SUN1: variants seen among roughly 807,000 people sequenced by gnomAD.
SUN1 encodes the protein Sad1 and UNC84 domain containing 1.
A neutral mutation model predicts 103.2 loss-of-function variants in SUN1; 61 were observed. That is an observed-to-expected ratio of 0.59 (90% CI 0.48 to 0.73). The LOEUF (loss-of-function observed/expected upper bound fraction) is 0.73. Among genes scored for constraint, SUN1 ranks in the 30% least tolerant of loss-of-function variants. The pLI, the probability that SUN1 is intolerant of heterozygous loss-of-function variation, is 0.00. For synonymous variants in SUN1, 490 were observed against 425.7 expected (o/e 1.15, Z -1.86); for missense variants, 1,052 against 1,034.6 (o/e 1.02, Z -0.23).
chr7:866,747 C>CTGTCT (rs1837248439), intron 16 of SUN1, among the ~76,000 whole-genome samples: 1 of 118,532 alleles, frequency 8.4e-6, no homozygotes, highest in Admixed American at 8.0e-5. Context: ...CGGGCCTTCA[C>CTGTCT]CCCCACCGTC....
chr7:849,520 C>T, intron 5 of SUN1: 1 of 1,373,700 alleles, frequency 7.3e-7, no homozygotes, highest in Non-Finnish European at 9.7e-7. Context: ...TGTGTTGCAG[C>T]TCATGCCAGT....
At chr7:847,004 T>A (rs969565021) in intron 5 of SUN1, among the ~76,000 whole-genome samples, 3 of 151,904 alleles carry the variant, frequency 2.0e-5, no homozygotes, top group African/African-American at 7.3e-5. Context: ...AGCTTATCTC[T>A]AAAAAAAATT....
At chr7:823,183 A>G (rs1788045137) in intron 1 of SUN1, among the ~76,000 whole-genome samples, 2 of 152,224 alleles carry the variant, frequency 1.3e-5, no homozygotes, top group Non-Finnish European at 2.9e-5. Flanking sequence ...TCTCCAGGCA[A>G]GGATTAGAGC....
intron 13 of SUN1, among the ~76,000 whole-genome samples, chr7:859,863 G>A (rs569663703): frequency 6.5e-4 from 99 of 152,326 alleles, no homozygotes; most frequent in African/African-American, 2.2e-3. Flanking sequence ...CCTCCAGAGG[G>A]TGTGGACATG....
chr7:845,213 C>T lies in SUN1; in HGVS notation c.658+1693C>T, dbSNP rs188511084. ...CGGTCAGGGCCCAAGCTCAGCCTTG[C>T]GTTTGAGTGTATCTTTAGATGGAAA... On this transcript the variant is annotated intron_variant, in intron 5 of 18. Coordinates refer to ENST00000401592, the MANE Select transcript of SUN1 (RefSeq NM_001130965.3). 2.7e-4 allele frequency among the ~76,000 whole-genome samples: 41 copies of T among 152,260 alleles called. 1 individual carries two copies. The highest frequency in any genetic ancestry group is 7.9e-4 in the African/African-American group (33 of 41,546).
At chr7:836,771 C>T (rs1199654369) in intron 1 of SUN1, among the ~76,000 whole-genome samples, 4 of 152,194 alleles carry the variant, frequency 2.6e-5, no homozygotes, top group South Asian at 2.1e-4. Flanking sequence ...AATATCTGAG[C>T]GCCCAAGGCC....
At chr7:870,976 C>T (rs561593964) in intron 17 of SUN1, among the ~76,000 whole-genome samples, 4 of 150,802 alleles carry the variant, frequency 2.7e-5, no homozygotes, top group East Asian at 1.9e-4. Flanking sequence ...CCACAATCTC[C>T]GCCTCCCGGG....
chr7:864,047 T>C (rs532751342), intron 15 of SUN1, among the ~76,000 whole-genome samples: 93 of 152,364 alleles, frequency 6.1e-4, no homozygotes, highest in African/African-American at 2.0e-3. Flanking sequence ...ATAATATCCT[T>C]CATCATTTTC....
Position 852,602 on chromosome 7 carries a change from C to A in SUN1, c.852-7C>A. On this transcript the variant is annotated splice_polypyrimidine_tract_variant and splice_region_variant and intron_variant, in intron 7 of 18. Transcript: ENST00000401592. ...TCTAAGTCAAAGGTTTTCATTGTTACTCCCAGGTGCCTTCGAAACATCTGC... is the reference window on the plus strand; with the variant it reads ...TCTAAGTCAAAGGTTTTCATTGTTAATCCCAGGTGCCTTCGAAACATCTGC... The A allele has an allele frequency of 6.2e-7, 1 of 1,614,198 alleles. No individual in the cohort carries two copies.
intron 14 of SUN1, 97 bp from the exon 15 acceptor site, chr7:861,283 T>C: frequency 8.3e-7 from 1 of 1,207,584 alleles, no homozygotes; most frequent in Middle Eastern, 2.6e-4. Flanking sequence ...GAGAAGATGC[T>C]CTAATGTAAG....
At chr7:857,044 T>A (rs1828157622) in intron 12 of SUN1, among the ~76,000 whole-genome samples, 1 of 152,208 alleles carries the variant, frequency 6.6e-6, no homozygotes, top group Non-Finnish European at 1.5e-5. Context: ...GACCACTGAT[T>A]TGCCAAGTCC....
intron 8 of SUN1, 37 bp from the exon 9 acceptor site, chr7:852,773 G>T: frequency 6.2e-7 from 1 of 1,611,064 alleles, no homozygotes; most frequent in Non-Finnish European, 8.5e-7. Flanking sequence ...GAGAAGCGTG[G>T]TGTACCTGTG....
At chr7:859,487 G>A (rs1029438632) in intron 13 of SUN1, among the ~76,000 whole-genome samples, 1 of 152,192 alleles carries the variant, frequency 6.6e-6, no homozygotes, top group African/African-American at 2.4e-5. Context: ...GCGCTGGGAA[G>A]TGTGTGTGGG....
chr7:859,664 G>T (rs141278594), intron 13 of SUN1, among the ~76,000 whole-genome samples: 3 of 152,210 alleles, frequency 2.0e-5, no homozygotes, highest in Non-Finnish European at 4.4e-5. Flanking sequence ...GAAGAGAAAG[G>T]TATACACATA....
chr7:847,851 C>T (rs1346036765), intron 5 of SUN1, among the ~76,000 whole-genome samples: 1 of 142,974 alleles, frequency 7.0e-6, no homozygotes, highest in Non-Finnish European at 1.5e-5. Context: ...CGTGCGCCAG[C>T]GGAGTTGGCG....
At chr7:831,125 A>C (rs1187737827), upstream of SUN1, 2 of 562,712 alleles carry the variant, frequency 3.6e-6, no homozygotes, top group African/African-American at 4.1e-5. Context: ...ACGTGGATTA[A>C]GTGATCACAG....
At position 838,877 on chromosome 7, in the gene SUN1, C is replaced by T. The variant is rs754833191; in HGVS notation, c.157C>T (p.Arg53Cys). ...DPVFDSPRMS[R>C]RSLRLATTAC... The stretch of plus-strand genomic sequence containing the variant: ...TGTATTTGATTCTCCACGGATGTCC[C>T]GCCGTAGTTTGCGCCTGGCCACGAC... The change falls in exon 2 of 19, where the codon CGC becomes TGC. Residue 53 changes from arginine (R) to cysteine (C), a missense_variant. Arg to Cys is a radical substitution (Grantham distance 180). This residue lies in a region of SUN1 where 846 missense variants were observed against 774.5 expected (regional missense o/e 1.09). Transcript: ENST00000401592. 3.7e-6 allele frequency: 6 copies of T among 1,605,094 alleles called. No individual in the cohort carries two copies. The highest frequency in any genetic ancestry group is 1.1e-5 in the South Asian group (1 of 88,720).
chr7:847,961 G>T (rs1222589297), intron 5 of SUN1, among the ~76,000 whole-genome samples: 2 of 127,968 alleles, frequency 1.6e-5, no homozygotes, highest in Admixed American at 1.5e-4. Flanking sequence ...ACCCCGCAGC[G>T]CCCTCTCTGG....
At chr7:855,116 T>G in intron 11 of SUN1, 110 bp downstream of exon 11, 3 of 851,842 alleles carry the variant, frequency 3.5e-6, no homozygotes, top group Non-Finnish European at 5.4e-6. Flanking sequence ...CTATTTGCTG[T>G]TTGTTTTGTG....
Sources: gnomAD v4.1 joint callset for allele counts (sites outside exome capture counted in the v4.1 genomes callset) on GRCh38, gnomAD v4.1.1 for gene constraint, gnomAD v4.1.1 regional missense constraint, MANE v1.5 for transcripts, NCBI Gene and HGNC (gene_info 2026-07-23, HGNC 2026-07-21) for gene names.